BICC1: variants seen among roughly 807,000 people sequenced by gnomAD.
BICC1 encodes protein bicaudal C homolog 1.
Under a neutral mutation model 111.0 loss-of-function variants are expected in BICC1, and 43 were observed. That is an observed-to-expected ratio of 0.39 (90% CI 0.30 to 0.50). The LOEUF (loss-of-function observed/expected upper bound fraction) is 0.50. BICC1 is among the 20% of genes least tolerant of loss of function. BICC1 has a pLI of 0.88. For synonymous variants in BICC1, 467 were observed against 434.4 expected (o/e 1.07, Z -0.93); for missense variants, 1,091 against 1,203.2 (o/e 0.91, Z 1.38).
chr10:58,716,743 G>A (rs773058374), intron 3 of BICC1, among the ~76,000 whole-genome samples: 7 of 148,150 alleles, frequency 4.7e-5, no homozygotes, highest in South Asian at 4.2e-4. Context: ...TTTTCCCCTC[G>A]TATACTTTTA....
intron 3 of BICC1, among the ~76,000 whole-genome samples, chr10:58,740,006 TTGTC>T (rs1841606443): frequency 1.3e-5 from 2 of 152,176 alleles, no homozygotes; most frequent in Non-Finnish European, 1.5e-5. Flanking sequence ...GTGGGTCAGA[TTGTC>T]TGTATTTGAG....
chr10:58,743,704 A>G (rs1160526813), intron 3 of BICC1, among the ~76,000 whole-genome samples: 2 of 151,614 alleles, frequency 1.3e-5, no homozygotes, highest in African/African-American at 4.8e-5. Context: ...CCAGGTTGGT[A>G]TGCTATAGAG....
intron 14 of BICC1, among the ~76,000 whole-genome samples, chr10:58,802,163 G>T (rs984410447): frequency 2.0e-5 from 3 of 152,112 alleles, no homozygotes; most frequent in African/African-American, 7.2e-5. Flanking sequence ...CTTTACTTAT[G>T]CTCTTCCCTC....
intron 8 of BICC1, among the ~76,000 whole-genome samples, chr10:58,792,218 TAG>T (rs1474180415): frequency 1.3e-5 from 2 of 151,556 alleles, no homozygotes; most frequent in African/African-American, 4.9e-5. Flanking sequence ...ACATTGTTCC[TAG>T]ACTCAGTAGA....
At chr10:58,597,958 A>G (rs969872079) in intron 1 of BICC1, among the ~76,000 whole-genome samples, 7 of 152,096 alleles carry the variant, frequency 4.6e-5, no homozygotes, top group African/African-American at 1.7e-4. Flanking sequence ...TGTACAGGTA[A>G]CACAGTTATC....
intron 1 of BICC1, among the ~76,000 whole-genome samples, chr10:58,576,355 T>G (rs1844111299): frequency 6.6e-6 from 1 of 152,236 alleles, no homozygotes; most frequent in Non-Finnish European, 1.5e-5. Flanking sequence ...GCCTGGATTT[T>G]TATTTCATTC....
rs192556952 is a variant in BICC1 at position 58,553,940 on chromosome 10, G to A, written c.190+40607G>A. 2.5e-3 allele frequency among the ~76,000 whole-genome samples: 382 copies of A among 152,142 alleles called. 1 individual carries two copies. The highest frequency in any genetic ancestry group is 8.6e-3 in the African/African-American group (355 of 41,506). ...TCTTAACTTCTTGGTTACCTACAGT[G>A]TTTGAGGGGAATGGTGACTTATAGA... is the stretch of plus-strand genomic sequence containing the variant. On this transcript the variant is annotated intron_variant, in intron 1 of 20. Transcript: ENST00000373886.
chr10:58,766,312 C>A (rs2132702823), intron 3 of BICC1, among the ~76,000 whole-genome samples: 1 of 151,902 alleles, frequency 6.6e-6, no homozygotes, highest in Non-Finnish European at 1.5e-5. Context: ...TACTGACTGG[C>A]AAAAAAACTG....
chr10:58,558,311 T>G (rs2131939617), intron 1 of BICC1, among the ~76,000 whole-genome samples: 1 of 152,236 alleles, frequency 6.6e-6, no homozygotes, highest in African/African-American at 2.4e-5. Flanking sequence ...TTTCACCTCT[T>G]TGCTATTCTG....
At chr10:58,610,678 G>A (rs551573461) in intron 1 of BICC1, among the ~76,000 whole-genome samples, 36 of 150,466 alleles carry the variant, frequency 2.4e-4, no homozygotes, top group African/African-American at 7.1e-4. Flanking sequence ...GTTTTATTTC[G>A]TGTTTCATTT....
chr10:58,820,978 T>C (rs1455559124), intron 20 of BICC1, among the ~76,000 whole-genome samples: 1 of 152,152 alleles, frequency 6.6e-6, no homozygotes, highest in Non-Finnish European at 1.5e-5. Flanking sequence ...TCACAGGACA[T>C]AGTATCCTGA....
At chr10:58,631,066 G>A (rs986370184) in intron 2 of BICC1, among the ~76,000 whole-genome samples, 1 of 152,148 alleles carries the variant, frequency 6.6e-6, no homozygotes, top group African/African-American at 2.4e-5. Flanking sequence ...GGTGAAAAAA[G>A]TGAGTGCTGT....
intron 3 of BICC1, among the ~76,000 whole-genome samples, chr10:58,717,115 A>T (rs1437220630): frequency 6.6e-6 from 1 of 152,212 alleles, no homozygotes; most frequent in Non-Finnish European, 1.5e-5. Flanking sequence ...AATTATTTTA[A>T]ATAGACACTG....
At chr10:58,773,125 G>T (rs1254716580) in intron 3 of BICC1, among the ~76,000 whole-genome samples, 2 of 152,212 alleles carry the variant, frequency 1.3e-5, no homozygotes, top group Non-Finnish European at 2.9e-5. Flanking sequence ...CTGCATTAGT[G>T]ATTCTCTGCC....
chr10:58,662,346 A>G (rs1838870481), intron 2 of BICC1, among the ~76,000 whole-genome samples: 1 of 152,228 alleles, frequency 6.6e-6, no homozygotes, highest in Admixed American at 6.5e-5. Context: ...TAAATGCCCA[A>G]ATGAAATAAT....
chr10:58,617,644 G>T (rs1845661249), intron 1 of BICC1, among the ~76,000 whole-genome samples: 1 of 152,250 alleles, frequency 6.6e-6, no homozygotes, highest in Non-Finnish European at 1.5e-5. Flanking sequence ...AATCAGGACA[G>T]CATGAATGGT....
At chr10:58,542,076 G>A (rs1014497995) in intron 1 of BICC1, among the ~76,000 whole-genome samples, 1 of 149,724 alleles carries the variant, frequency 6.7e-6, no homozygotes, top group Non-Finnish European at 1.5e-5. Context: ...GCTTGAGTCC[G>A]GGAAGTTGAG....
At chr10:58,721,132 C>G (rs1840926284) in intron 3 of BICC1, among the ~76,000 whole-genome samples, 1 of 152,192 alleles carries the variant, frequency 6.6e-6, no homozygotes, top group Non-Finnish European at 1.5e-5. Context: ...GCCCATTTTC[C>G]CCTTCTCTTC....
In BICC1 at chr10:58,539,089, A is replaced by G. The variant is rs538872151; in HGVS notation, c.190+25756A>G. The stretch of plus-strand genomic sequence containing the variant: ...AAGGAAATCAATATATAAAAAAGAC[A>G]TATTTATCACAGCACAGTTCACAAT... On this transcript the variant is annotated intron_variant, in intron 1 of 20. Coordinates refer to ENST00000373886, the MANE Select transcript of BICC1 (RefSeq NM_001080512.3). Among the ~76,000 whole-genome samples, 6 of 151,964 alleles carry G rather than the reference A, an allele frequency of 3.9e-5. No homozygotes were observed. The East Asian group carries it at 1.2e-3, about 29-fold the overall frequency.
Sources: allele counts gnomAD v4.1 joint callset (sites outside exome capture counted in the v4.1 genomes callset), GRCh38; gene constraint gnomAD v4.1.1; transcripts MANE v1.5; gene names NCBI Gene and HGNC (gene_info 2026-07-23, HGNC 2026-07-21).